Variants in LSAMP observed in about 807,000 individuals in gnomAD.
The protein encoded by LSAMP is limbic system associated membrane protein, also known as limbic system-associated membrane protein.
In LSAMP, 7 loss-of-function variants were observed where a neutral mutation model predicts 38.6. The ratio of observed to expected loss-of-function variants is 0.18; its 90% confidence interval spans 0.10 to 0.34. The LOEUF (loss-of-function observed/expected upper bound fraction) is 0.34. Among genes scored for constraint, LSAMP ranks in the 10% least tolerant of loss-of-function variants. The probability of loss-of-function intolerance (pLI) is 1.00; values close to 1 mark genes in which losing one functional copy is unlikely to be tolerated. For missense variants in LSAMP, 313 were observed against 420.0 expected, an observed-to-expected ratio of 0.75 and a Z score of 2.23; for synonymous variants, 154 against 166.8, an observed-to-expected ratio of 0.92 and a Z score of 0.59.
intron 1 of LSAMP, among the ~76,000 whole-genome samples, chr3:116,268,219 G>T (rs2046918645): frequency 6.6e-6 from 1 of 151,398 alleles, no homozygotes; most frequent in South Asian, 2.1e-4. Flanking sequence ...AAAAAAATGT[G>T]TGTGTGTAGT....
chr3:116,328,713 C>T (rs2047809095), intron 1 of LSAMP, among the ~76,000 whole-genome samples: 1 of 151,976 alleles, frequency 6.6e-6, no homozygotes, highest in African/African-American at 2.4e-5. Flanking sequence ...ACTGACATAC[C>T]AAAGTAAAAT....
At chr3:116,343,697 C>T (rs1178397362) in intron 1 of LSAMP, among the ~76,000 whole-genome samples, 2 of 150,410 alleles carry the variant, frequency 1.3e-5, no homozygotes, top group African/African-American at 5.0e-5. Flanking sequence ...ACTATTTTGG[C>T]CATATCTCAT....
chr3:116,181,308 C>T (rs143465098), intron 1 of LSAMP, among the ~76,000 whole-genome samples: 249 of 152,032 alleles, frequency 1.6e-3, no homozygotes, highest in African/African-American at 5.6e-3. Flanking sequence ...TTCTTTGATC[C>T]TTCCTTCTCT....
chr3:115,997,753 T>TATATATACAC (rs1377845663), intron 3 of LSAMP, among the ~76,000 whole-genome samples: 2 of 124,980 alleles, frequency 1.6e-5, no homozygotes, highest in African/African-American at 6.3e-5. Flanking sequence ...TATATATATA[T>TATATATACAC]ACACACACAT....
Position 116,420,242 on chromosome 3 carries a change from C to T in LSAMP, c.155+24635G>A, listed in dbSNP as rs1287313305. The stretch of plus-strand genomic sequence containing the variant: ...CCTCCCAAGTAGCTGGGGCTACAGG[C>T]ACCTGTCACCACGCCTGGCTAATTT... On this transcript the variant is annotated intron_variant, in intron 1 of 6. Coordinates refer to ENST00000490035, the MANE Select transcript of LSAMP (RefSeq NM_002338.5). Among the ~76,000 whole-genome samples the T allele has an allele frequency of 2.6e-5, 4 of 151,924 alleles. No individual in the cohort carries two copies. The East Asian group carries it at 7.8e-4, about 30-fold the overall frequency.
At chr3:116,142,643 A>G (rs763889064) in intron 1 of LSAMP, among the ~76,000 whole-genome samples, 4 of 152,036 alleles carry the variant, frequency 2.6e-5, no homozygotes, top group South Asian at 2.1e-4. Context: ...ATCCCTTCAG[A>G]TAGTTGAAGA....
At chr3:115,944,588 T>G (rs1472353645) in intron 3 of LSAMP, among the ~76,000 whole-genome samples, 1 of 152,160 alleles carries the variant, frequency 6.6e-6, no homozygotes, top group African/African-American at 2.4e-5. Flanking sequence ...TTTACTCCAT[T>G]TTATGGAGCA....
intron 1 of LSAMP, among the ~76,000 whole-genome samples, chr3:116,092,949 A>AG (rs1328901523): frequency 6.6e-6 from 1 of 152,220 alleles, no homozygotes; most frequent in Non-Finnish European, 1.5e-5. Context: ...TAGGATTCAA[A>AG]TTTGTCCAGA....
rs557142124 is a variant in LSAMP, at chr3:116,274,401, T to C, written c.155+170476A>G. ...TCATAAAACTGTTCATTTTCTATGT[T>C]TCAAATGTTATCTGACTGAAACGAA... On this transcript the variant is annotated intron_variant, in intron 1 of 6. Transcript: ENST00000490035. Among the ~76,000 whole-genome samples, 3 of 152,348 alleles carry C rather than the reference T, an allele frequency of 2.0e-5. No homozygotes were observed. In the East Asian group the frequency reaches 5.8e-4, roughly 29 times the overall value.
intron 3 of LSAMP, among the ~76,000 whole-genome samples, chr3:115,987,413 G>A (rs1269694785): frequency 6.6e-6 from 1 of 152,150 alleles, no homozygotes; most frequent in Non-Finnish European, 1.5e-5. Flanking sequence ...GATACATACA[G>A]GACTGCAATG....
At chr3:116,053,963 T>G (rs979200556) in intron 2 of LSAMP, among the ~76,000 whole-genome samples, 9 of 152,196 alleles carry the variant, frequency 5.9e-5, no homozygotes, top group Non-Finnish European at 1.3e-4. Context: ...TATAGTCAAT[T>G]AACTCAAACT....
intron 6 of LSAMP, among the ~76,000 whole-genome samples, chr3:115,819,407 C>T (rs978983734): frequency 4.0e-5 from 6 of 150,784 alleles, no homozygotes; most frequent in Non-Finnish European, 8.8e-5. Flanking sequence ...TCCAGCCTGG[C>T]GACAGAGTGA....
rs1331362247 is a variant in LSAMP, at chr3:115,804,853, C to T, written c.*5464G>A. 1 of 152,092 alleles carries T rather than the reference C, an allele frequency of 6.6e-6. No individual in the cohort carries two copies. Among genetic ancestry groups the T allele is most frequent in the African/African-American group, 2.4e-5 (1 of 41,438 alleles). 9.4% of individuals were successfully genotyped at this position (152,092 alleles called of 1,614,324 possible). ...GATTCAGTCCCTCACTTGCAATATT[C>T]AGGATAAATGTGTGGAAACATTAGG... is the stretch of plus-strand genomic sequence containing the variant. On this transcript the variant is annotated 3_prime_UTR_variant, in exon 7 of 7. Transcript: ENST00000490035.
At chr3:116,189,000 A>C (rs1379104755) in intron 1 of LSAMP, among the ~76,000 whole-genome samples, 3 of 152,204 alleles carry the variant, frequency 2.0e-5, no homozygotes, top group Non-Finnish European at 4.4e-5. Context: ...CAACTACTAC[A>C]AGTCAACTTT....
intron 3 of LSAMP, among the ~76,000 whole-genome samples, chr3:115,854,279 A>AT (rs1182024413): frequency 0.027 from 3,172 of 115,848 alleles, 93 homozygotes; most frequent in African/African-American, 0.037. Context: ...TATTATTATT[A>AT]TTATTTTTTT....
chr3:116,161,860 C>T (rs891511092), intron 1 of LSAMP, among the ~76,000 whole-genome samples: 53 of 152,074 alleles, frequency 3.5e-4, no homozygotes, highest in African/African-American at 1.2e-3. Flanking sequence ...TGCTGGGAAG[C>T]ATTTAGATAA....
At chr3:116,108,405 C>T (rs1022031763) in intron 1 of LSAMP, among the ~76,000 whole-genome samples, 4 of 152,054 alleles carry the variant, frequency 2.6e-5, no homozygotes, top group African/African-American at 9.7e-5. Context: ...GCCGTCAATA[C>T]CCACAACAGT....
chr3:116,097,232 T>C (rs1708244437), intron 1 of LSAMP, among the ~76,000 whole-genome samples: 1 of 152,176 alleles, frequency 6.6e-6, no homozygotes, highest in South Asian at 2.1e-4. Flanking sequence ...AAAAATATGG[T>C]CTTTTCCATG....
intron 3 of LSAMP, among the ~76,000 whole-genome samples, chr3:115,955,580 T>A (rs1938429025): frequency 6.6e-6 from 1 of 151,846 alleles, no homozygotes; most frequent in Non-Finnish European, 1.5e-5. Flanking sequence ...AGGAGACAGG[T>A]ATTTAAACAA....
Sources: allele counts gnomAD v4.1 joint callset (sites outside exome capture counted in the v4.1 genomes callset), GRCh38; gene constraint gnomAD v4.1.1; transcripts MANE v1.5; gene names NCBI Gene and HGNC (gene_info 2026-07-23, HGNC 2026-07-21).